Variants in PPIL6 observed in about 807,000 individuals in gnomAD.
PPIL6 encodes peptidylprolyl isomerase like 6.
PPIL6 carries 39 observed loss-of-function variants against 36.8 expected under a neutral mutation model. That is an observed-to-expected ratio of 1.06 (90% confidence interval 0.82 to 1.38). PPIL6 has a LOEUF of 1.38. Ranked by LOEUF, PPIL6 falls within the 40% of genes most tolerant of loss-of-function variation. The pLI is 0.00. For missense variants in PPIL6, 368 were observed against 379.1 expected (o/e 0.97, Z 0.24); for synonymous variants, 123 against 134.1 (o/e 0.92, Z 0.57).
intron 6 of PPIL6, among the ~76,000 whole-genome samples, chr6:109,409,025 A>T (rs1772906130): frequency 6.6e-6 from 1 of 152,216 alleles, no homozygotes; most frequent in East Asian, 1.9e-4. Flanking sequence ...ATTCATCATG[A>T]CCAAGCAGGA....
chr6:109,436,442 G>A (rs561406572), intron 1 of PPIL6, among the ~76,000 whole-genome samples: 124 of 152,196 alleles, frequency 8.1e-4, no homozygotes, highest in Non-Finnish European at 1.5e-3. Context: ...TAGAGGCTGG[G>A]CGCAGTGGCT....
chr6:109,394,749 T>C (rs1361110742), intron 7 of PPIL6, among the ~76,000 whole-genome samples: 2 of 152,088 alleles, frequency 1.3e-5, no homozygotes, highest in Non-Finnish European at 2.9e-5. Flanking sequence ...CCAAAGAGAG[T>C]ATGAAGCCTG....
upstream of PPIL6, chr6:109,440,713 G>A: frequency 1.4e-6 from 1 of 714,052 alleles, no homozygotes; most frequent in Non-Finnish European, 1.8e-6. Context: ...GCCCGTGGCG[G>A]CTGGGCCTTT....
chr6:109,440,149 GGTGTGTGT>G, intron 1 of PPIL6: 1 of 415,110 alleles, frequency 2.4e-6, no homozygotes, highest in Non-Finnish European at 4.5e-6. Flanking sequence ...AAAATCTGCG[GGTGTGTGT>G]GTGTGTGTCT....
At chr6:109,431,390 G>A (rs1229249886) in intron 2 of PPIL6, 45 bp from the exon 3 acceptor site, 11 of 1,439,172 alleles carry the variant, frequency 7.6e-6, no homozygotes, top group Non-Finnish European at 8.5e-6. Context: ...TAAGAAGTGG[G>A]GGGAAAACTT....
intron 5 of PPIL6, among the ~76,000 whole-genome samples, chr6:109,420,191 G>C (rs1773467239): frequency 6.6e-6 from 1 of 151,750 alleles, no homozygotes; most frequent in Non-Finnish European, 1.5e-5. Flanking sequence ...AAATTAGCTG[G>C]GTGTGGTGGC....
At chr6:109,397,891 A>C (rs902237290) in intron 7 of PPIL6, among the ~76,000 whole-genome samples, 16 of 144,766 alleles carry the variant, frequency 1.1e-4, no homozygotes, top group Admixed American at 1.1e-3. Context: ...ATTTGGATTT[A>C]AAACTTTTTT....
intron 5 of PPIL6, among the ~76,000 whole-genome samples, chr6:109,421,595 A>G (rs1773541219): frequency 6.6e-6 from 1 of 152,212 alleles, no homozygotes; most frequent in Non-Finnish European, 1.5e-5. Flanking sequence ...GATGATGATG[A>G]TAATAAAATG....
intron 7 of PPIL6, among the ~76,000 whole-genome samples, chr6:109,394,370 C>CAAAAAAAAA (rs560635029): frequency 2.0e-5 from 1 of 50,280 alleles, no homozygotes; most frequent in Non-Finnish European, 4.2e-5. Flanking sequence ...AGACTTATCT[C>CAAAAAAAAA]AAAAAAAAAA....
chr6:109,430,427 T>C (rs1774071179), intron 3 of PPIL6, among the ~76,000 whole-genome samples: 2 of 145,136 alleles, frequency 1.4e-5, no homozygotes, highest in Admixed American at 7.1e-5. Context: ...AACTATGTGT[T>C]CATGCTTTTT....
chr6:109,419,216 C>T lies in PPIL6; in HGVS notation c.659G>A (p.Gly220Glu), dbSNP rs1324980823. 1.3e-6 allele frequency: 2 copies of T among 1,565,908 alleles called. No homozygotes were observed. Among genetic ancestry groups the T allele is most frequent in the Non-Finnish European group, 1.8e-6 (2 of 1,136,436 alleles). Reference sequence around the variant, plus strand: ...AAATGTTGGACCATAAATCGACTCTCCATTATCTCCTTTTCCATACACTAT... The same window carrying T: ...AAATGTTGGACCATAAATCGACTCTTCATTATCTCCTTTTCCATACACTAT... Reference protein sequence around the residue: ...GDIVYGKGDNGESIYGPTFED... With the variant: ...GDIVYGKGDNEESIYGPTFED... Residue 220 changes from glycine (G) to glutamate (E), a missense_variant, in exon 6 of 8, where the codon GGA (glycine) becomes GAA (glutamate). Physicochemically the swap from Gly to Glu is moderately conservative, Grantham distance 98. Transcript: ENST00000521072.
At chr6:109,435,985 G>A in intron 2 of PPIL6, 119 bp downstream of exon 2, 1 of 738,276 alleles carries the variant, frequency 1.4e-6, no homozygotes, top group Admixed American at 2.2e-5. Flanking sequence ...ACGTAATGTA[G>A]AGAAATAAAA....
chr6:109,411,974 AG>A (rs1489524114), intron 6 of PPIL6, among the ~76,000 whole-genome samples: 3 of 152,140 alleles, frequency 2.0e-5, no homozygotes, highest in African/African-American at 7.2e-5. Flanking sequence ...TTGACTCCAG[AG>A]GTGGGGCTCA....
At chr6:109,434,425 T>TTG (rs938509136) in intron 2 of PPIL6, among the ~76,000 whole-genome samples, 8 of 151,390 alleles carry the variant, frequency 5.3e-5, no homozygotes, top group African/African-American at 1.9e-4. Flanking sequence ...ATATGTGTGT[T>TTG]TGTGTGTGTG....
intron 2 of PPIL6, among the ~76,000 whole-genome samples, chr6:109,433,579 C>T (rs1256195033): frequency 2.0e-5 from 3 of 152,190 alleles, no homozygotes; most frequent in Non-Finnish European, 4.4e-5. Context: ...ATGAGGCTGC[C>T]TTCTTTGGAG....
intron 6 of PPIL6, among the ~76,000 whole-genome samples, chr6:109,407,113 A>G (rs890592696): frequency 6.6e-6 from 1 of 152,202 alleles, no homozygotes; most frequent in Admixed American, 6.5e-5. Context: ...AACAATCTAA[A>G]TTCTAGGACT....
chr6:109,418,158 C>T lies in PPIL6; in HGVS notation c.688+1029G>A, dbSNP rs1016777346. On this transcript the variant is annotated intron_variant, in intron 6 of 7. Transcript: ENST00000521072. ...CTTCCTTAAATTTCTGACTCTGTTC[C>T]TATTCCCTCTTTGTCATGATTGTCC... is the stretch of plus-strand genomic sequence containing the variant. 2.0e-5 allele frequency: 3 copies of T among 153,006 alleles called. No individual in the cohort carries two copies. The Admixed American group carries it at 2.0e-4, about 10-fold the overall frequency. The allele number at this position is 153,006 out of a possible 1,614,324, so 9.5% of individuals were successfully genotyped here.
intron 6 of PPIL6, among the ~76,000 whole-genome samples, chr6:109,406,063 G>T (rs1227463527): frequency 6.6e-6 from 1 of 151,356 alleles, no homozygotes; most frequent in Non-Finnish European, 1.5e-5. Flanking sequence ...TTTGAGGCAG[G>T]GTCTCAGTCT....
At chr6:109,410,348 C>T (rs1180157343) in intron 6 of PPIL6, among the ~76,000 whole-genome samples, 1 of 152,146 alleles carries the variant, frequency 6.6e-6, no homozygotes, top group Non-Finnish European at 1.5e-5. Context: ...CTCCTAATCA[C>T]CTTGGTCCAG....
Sources: allele counts gnomAD v4.1 joint callset (sites outside exome capture counted in the v4.1 genomes callset), GRCh38; gene constraint gnomAD v4.1.1; transcripts MANE v1.5; gene names NCBI Gene and HGNC (gene_info 2026-07-23, HGNC 2026-07-21).